The following SLC35D4 variants were observed in gnomAD, a reference collection of about 807,000 sequenced individuals.
The protein encoded by SLC35D4 is UDP-N-acetylglucosamine transporter SLC35D4.
chr18:23,343,586 A>T, the SLC35D4 span, among the ~76,000 whole-genome samples: 2 of 152,100 alleles, frequency 1.3e-5, no homozygotes, highest in Non-Finnish European at 2.9e-5. Flanking sequence ...TTTTAGGTTC[A>T]GGGGTACATC....
At chr18:23,339,163 T>C in the SLC35D4 span, among the ~76,000 whole-genome samples, 1 of 152,216 alleles carries the variant, frequency 6.6e-6, no homozygotes, top group Non-Finnish European at 1.5e-5. Flanking sequence ...AGTGCTGGGA[T>C]TACAGGCATG....
At chr18:23,402,607 C>A in the SLC35D4 span, among the ~76,000 whole-genome samples, 1 of 151,364 alleles carries the variant, frequency 6.6e-6, no homozygotes, top group East Asian at 1.9e-4. Context: ...GAGTTTCAGA[C>A]CAGCCTGGGC....
chr18:23,392,317 A>C, the SLC35D4 span, among the ~76,000 whole-genome samples: 1 of 152,216 alleles, frequency 6.6e-6, no homozygotes, highest in Non-Finnish European at 1.5e-5. Context: ...GTAAGCTACC[A>C]CACATCCTCT....
At chr18:23,312,880 C>G in the SLC35D4 span, among the ~76,000 whole-genome samples, 96 of 152,204 alleles carry the variant, frequency 6.3e-4, no homozygotes, top group African/African-American at 2.3e-3. Flanking sequence ...GTAATCCCAG[C>G]ACTTTGGGAG....
At chr18:23,348,282 G>A in the SLC35D4 span, among the ~76,000 whole-genome samples, 151,770 of 152,340 alleles carry the variant, frequency 1, 75,604 homozygotes, top group Non-Finnish European at 1. Flanking sequence ...TTCCATGTGC[G>A]CTTGAGAAGA....
At chr18:23,251,532 G>A in the SLC35D4 span, among the ~76,000 whole-genome samples, 11 of 152,168 alleles carry the variant, frequency 7.2e-5, no homozygotes, top group East Asian at 1.5e-3. Flanking sequence ...GGAGGGATGA[G>A]ATGAACTGGA....
chr18:23,394,040 C>G, the SLC35D4 span, among the ~76,000 whole-genome samples: 1 of 152,232 alleles, frequency 6.6e-6, no homozygotes, highest in African/African-American at 2.4e-5. Flanking sequence ...ATCTCTTCCT[C>G]TCCCTTCTTT....
chr18:23,293,345 C>T, the SLC35D4 span, among the ~76,000 whole-genome samples: 65 of 152,160 alleles, frequency 4.3e-4, no homozygotes, highest in Non-Finnish European at 7.9e-4. Context: ...AGCCACGTTA[C>T]AAAAGGTAAA....
chr18:23,332,163 G>A, the SLC35D4 span, among the ~76,000 whole-genome samples: 1 of 151,588 alleles, frequency 6.6e-6, no homozygotes, highest in Non-Finnish European at 1.5e-5. Flanking sequence ...CCAAAGCCCT[G>A]GGATTACAGG....
the SLC35D4 span, among the ~76,000 whole-genome samples, chr18:23,246,485 G>A: frequency 6.6e-3 from 1,002 of 151,698 alleles, 7 homozygotes; most frequent in South Asian, 0.032. Context: ...TCCGCCTCCC[G>A]GGTTCACGCC....
the SLC35D4 span, among the ~76,000 whole-genome samples, chr18:23,316,749 T>C: frequency 4.6e-5 from 7 of 152,222 alleles, no homozygotes; most frequent in African/African-American, 1.2e-4. Flanking sequence ...CTACATCTTA[T>C]AGAAGCATCA....
At chr18:23,391,901 A>AC in the SLC35D4 span, among the ~76,000 whole-genome samples, 3 of 151,632 alleles carry the variant, frequency 2.0e-5, no homozygotes, top group African/African-American at 7.3e-5. Context: ...TCTCTGTGAC[A>AC]TCATCTGTTA....
the SLC35D4 span, chr18:23,376,883 C>G: frequency 2.2e-6 from 1 of 456,740 alleles, no homozygotes; most frequent in South Asian, 1.5e-5. Context: ...TGCTAGTCTC[C>G]TTTTAAACAG....
chr18:23,284,346 A>G, the SLC35D4 span, among the ~76,000 whole-genome samples: 3 of 152,200 alleles, frequency 2.0e-5, no homozygotes, highest in African/African-American at 7.2e-5. Context: ...CTTCATCTAC[A>G]TAACAAGAAT....
chr18:23,383,870 C>T, the SLC35D4 span, among the ~76,000 whole-genome samples: 1 of 151,814 alleles, frequency 6.6e-6, no homozygotes, highest in East Asian at 1.9e-4. Flanking sequence ...TTGACAGGGC[C>T]ACCTCCAAGG....
At chr18:23,308,541 A>C in the SLC35D4 span, among the ~76,000 whole-genome samples, 1 of 152,094 alleles carries the variant, frequency 6.6e-6, no homozygotes, top group Non-Finnish European at 1.5e-5. Context: ...CTAGTGCCTC[A>C]GATATCCTAC....
At chr18:23,275,593 A>AAG in the SLC35D4 span, among the ~76,000 whole-genome samples, 4 of 140,578 alleles carry the variant, frequency 2.8e-5, no homozygotes, top group Non-Finnish European at 4.6e-5. Flanking sequence ...GGTCAGAAAG[A>AAG]GTGCTGTGCT....
the SLC35D4 span, among the ~76,000 whole-genome samples, chr18:23,362,136 T>G: frequency 1.3e-5 from 2 of 152,216 alleles, no homozygotes; most frequent in Non-Finnish European, 2.9e-5. Flanking sequence ...AGTTTAGCAA[T>G]AACTCAAGGT....
the SLC35D4 span, among the ~76,000 whole-genome samples, chr18:23,343,680 C>G: frequency 2.0e-4 from 30 of 152,064 alleles, no homozygotes; most frequent in Non-Finnish European, 3.5e-4. Context: ...AAGAATAGTA[C>G]CCAACGAGTA....
Sources: allele counts gnomAD v4.1 joint callset (sites outside exome capture counted in the v4.1 genomes callset), GRCh38; gene constraint gnomAD v4.1.1; transcripts MANE v1.5; gene names NCBI Gene and HGNC (gene_info 2026-07-23, HGNC 2026-07-21).